The following TGM5 variants were observed in gnomAD, a reference collection of about 807,000 sequenced individuals.
TGM5 encodes protein-glutamine gamma-glutamyltransferase 5.
In TGM5, 69 loss-of-function variants were observed where a neutral mutation model predicts 77.2. The ratio of observed to expected loss-of-function variants is 0.89; its 90% CI spans 0.74 to 1.09. The LOEUF (loss-of-function observed/expected upper bound fraction) is 1.09. TGM5 is among the 50% of genes least tolerant of loss of function. TGM5 has a pLI of 0.00. For synonymous variants in TGM5, 346 were observed against 351.8 expected, an observed-to-expected ratio of 0.98 and a Z score of 0.18; for missense variants, 842 against 896.5, an observed-to-expected ratio of 0.94 and a Z score of 0.78.
Position 43,235,597 on chromosome 15 carries a change from G to A in TGM5, c.1586C>T (p.Ala529Val). The part of the protein sequence containing the change: ...MGQDICFVLL[A>V]LNMSSQFKDL... ...CTTGAACTGGGAGGACATGTTGAGG[G>A]CCAGCAGGACAAAGCATATATCCTG... The change falls in exon 10 of 13, where the codon GCC (alanine) becomes GTC (valine). Residue 529 changes from alanine (A) to valine (V), a missense_variant. Transcript: ENST00000220420. The A allele has an allele frequency of 2.5e-6, 4 of 1,614,234 alleles. No individual in the cohort carries two copies. Among genetic ancestry groups the A allele is most frequent in the Non-Finnish European group, 3.4e-6 (4 of 1,180,044 alleles).
intron 6 of TGM5, 115 bp downstream of exon 6, chr15:43,252,644 C>A: frequency 7.4e-7 from 1 of 1,356,186 alleles, no homozygotes; most frequent in Non-Finnish European, 1.0e-6. Context: ...AAAGGGCTTC[C>A]TTCCAAATGT....
chr15:43,261,113 A>G (rs1596452415), intron 1 of TGM5, among the ~76,000 whole-genome samples: 1 of 50,382 alleles, frequency 2.0e-5, no homozygotes, highest in African/African-American at 1.6e-4. Flanking sequence ...TTTTTGAGAC[A>G]GAGTCTCACA....
chr15:43,256,506 C>T (rs2042742941), intron 4 of TGM5, 62 bp downstream of exon 4: 10 of 1,276,200 alleles, frequency 7.8e-6, no homozygotes, highest in Non-Finnish European at 1.0e-5. Context: ...CTCACATGTG[C>T]CCTGCTCCCT....
At chr15:43,257,022 T>G (rs1231595190) in intron 3 of TGM5, among the ~76,000 whole-genome samples, 1 of 152,194 alleles carries the variant, frequency 6.6e-6, no homozygotes, top group African/African-American at 2.4e-5. Flanking sequence ...AGCTGGAAAT[T>G]GAACACAGCC....
In TGM5 at chr15:43,256,920, A is replaced by G. The variant is rs112636404; in HGVS notation, c.437-234T>C. Among the ~76,000 whole-genome samples, 2,633 of 152,264 alleles carry G rather than the reference A, an allele frequency of 0.017. 61 individuals carry two copies. The highest frequency in any genetic ancestry group is 0.06 in the African/African-American group (2,497 of 41,556). On this transcript the variant is annotated intron_variant, in intron 3 of 12. Coordinates refer to ENST00000220420, the MANE Select transcript of TGM5 (RefSeq NM_201631.4). The stretch of plus-strand genomic sequence containing the variant: ...TCCCTTTGGTGGAATTTCTTGGTTT[A>G]CAAAGCACATTTACATCCTATCCCC...
intron 6 of TGM5, among the ~76,000 whole-genome samples, chr15:43,249,407 C>T (rs925214764): frequency 1.3e-5 from 2 of 152,218 alleles, no homozygotes; most frequent in African/African-American, 4.8e-5. Context: ...AACCTCATTA[C>T]ATTAGCAGTC....
chr15:43,260,319 G>A (rs1010381054), intron 2 of TGM5, 22 bp from the exon 3 acceptor site: 2 of 1,614,122 alleles, frequency 1.2e-6, no homozygotes, highest in Non-Finnish European at 1.7e-6. Context: ...GTAGAGCTGA[G>A]GCCCTCCATG....
At chr15:43,240,247 A>G (rs1297330883) in intron 7 of TGM5, among the ~76,000 whole-genome samples, 1 of 152,208 alleles carries the variant, frequency 6.6e-6, no homozygotes. Flanking sequence ...TTGGGAAGGA[A>G]GGAACTCATG....
chr15:43,258,250 CAA>C (rs1167915202), intron 3 of TGM5, among the ~76,000 whole-genome samples: 4 of 131,960 alleles, frequency 3.0e-5, no homozygotes, highest in African/African-American at 5.5e-5. Flanking sequence ...GAAACCATTA[CAA>C]AAAAAAAAAA....
intron 6 of TGM5, 158 bp from the exon 7 acceptor site, chr15:43,241,148 C>T (rs538692715): frequency 7.2e-6 from 7 of 969,774 alleles, no homozygotes; most frequent in Admixed American, 2.0e-5. Flanking sequence ...TTTCCAACTT[C>T]CTTCCCCACT....
intron 6 of TGM5, among the ~76,000 whole-genome samples, chr15:43,245,287 CA>C (rs2042662830): frequency 6.6e-6 from 1 of 152,062 alleles, no homozygotes; most frequent in Admixed American, 6.6e-5. Context: ...CTCTTAGAGT[CA>C]AAGTAATTGA....
intron 11 of TGM5, among the ~76,000 whole-genome samples, chr15:43,234,315 C>T (rs775379068): frequency 7.2e-5 from 11 of 152,148 alleles, no homozygotes; most frequent in Non-Finnish European, 1.5e-4. Context: ...TCAGAGCAGG[C>T]GGGGTCCTCA....
chr15:43,252,759 C>G lies in TGM5; in HGVS notation c.862G>C (p.Val288Leu). Residue 288 changes from valine (V) to leucine (L), a missense_variant and splice_region_variant, in exon 6 of 13, where the codon GTG becomes CTG. Val to Leu is a conservative substitution (Grantham distance 32). Transcript: ENST00000220420. ...CWVFAAVMCTVMRCLGIPTRV... is the reference protein window; with the variant it reads ...CWVFAAVMCTLMRCLGIPTRV... ...TTGTGGGGTCCTTTCTACCTCCTACCTGTGCACATGACGGCAGCAAAGACC... is the reference window on the plus strand; with the variant it reads ...TTGTGGGGTCCTTTCTACCTCCTACGTGTGCACATGACGGCAGCAAAGACC... The G allele has an allele frequency of 4.3e-6, 7 of 1,613,814 alleles. No individual in the cohort carries two copies. Among genetic ancestry groups the G allele is most frequent in the Non-Finnish European group, 5.9e-6 (7 of 1,180,038 alleles).
chr15:43,254,046 A>G (rs2042726325), intron 4 of TGM5, among the ~76,000 whole-genome samples: 1 of 152,198 alleles, frequency 6.6e-6, no homozygotes, highest in African/African-American at 2.4e-5. Context: ...ATTGGCAGCT[A>G]CTGCTGAAGT....
rs547060376 is a variant in TGM5 at position 43,241,007 on chromosome 15, A to G, written c.863-17T>C. 1.3e-4 allele frequency: 205 copies of G among 1,614,168 alleles called. 1 individual carries two copies. The South Asian group carries it at 2.1e-3, about 17-fold the overall frequency. The stretch of plus-strand genomic sequence containing the variant: ...ACCTCATCACTGCAAAAAGGGCACA[A>G]AAAAATCACCTGTGAGCTGTAGATT... On this transcript the variant is annotated splice_polypyrimidine_tract_variant and intron_variant, in intron 6 of 12. Coordinates refer to ENST00000220420, the MANE Select transcript of TGM5 (RefSeq NM_201631.4).
Position 43,233,657 on chromosome 15 carries a change from G to A in TGM5, c.1906C>T (p.Leu636Phe). 1 of 1,614,200 alleles carries A rather than the reference G, an allele frequency of 6.2e-7. No individual in the cohort carries two copies. Reference sequence around the variant, plus strand: ...TTTGAAAATATCACCTGTATGGAGAGTGGCTGGTTCACAACGGCTGCTCCT... The same window carrying A: ...TTTGAAAATATCACCTGTATGGAGAATGGCTGGTTCACAACGGCTGCTCCT... Reference protein sequence around the residue: ...VLGAAVVNQPLSIQVIFSNPL... With the variant: ...VLGAAVVNQPFSIQVIFSNPL... Residue 636 changes from leucine (L) to phenylalanine (F), a missense_variant, in exon 12 of 13, where the codon CTC (leucine) becomes TTC (phenylalanine). Leu to Phe is a conservative substitution (Grantham distance 22). Coordinates refer to ENST00000220420, the MANE Select transcript of TGM5 (RefSeq NM_201631.4).
chr15:43,248,031 G>T (rs568217324), intron 6 of TGM5, among the ~76,000 whole-genome samples: 1 of 152,170 alleles, frequency 6.6e-6, no homozygotes, highest in South Asian at 2.1e-4. Flanking sequence ...TTTACAAAGA[G>T]GGGCCTGAGC....
At chr15:43,239,534 A>C in intron 7 of TGM5, 1 of 501,234 alleles carries the variant, frequency 2.0e-6, no homozygotes, top group Non-Finnish European at 3.6e-6. Context: ...AAAAAAATTA[A>C]CTAGGCATCA....
Position 43,260,267 on chromosome 15 carries a change from C to T in TGM5, c.221G>A (p.Arg74Gln), listed in dbSNP as rs766923465. ...ATGGCGTGCCAGGCTGAACACAGCC[C>T]GAGTCCCCAAGGCCAGGTCTGGCAG... is the stretch of plus-strand genomic sequence containing the variant. ...GPLPDLALGT[R>Q]AVFSLARHHS... Residue 74 changes from arginine to glutamine, a missense_variant, in exon 3 of 13, where the codon CGG (arginine) becomes CAG (glutamine). By Grantham distance (43) the Arg-to-Gln change is conservative. Around this residue, in one of 2 missense-constraint regions of TGM5, gnomAD observed 815 missense variants for 844.6 expected, o/e 0.96. Coordinates refer to ENST00000220420, the MANE Select transcript of TGM5 (RefSeq NM_201631.4). 12 of 1,613,842 alleles carry T rather than the reference C, an allele frequency of 7.4e-6. No individual in the cohort carries two copies. Among genetic ancestry groups the T allele is most frequent in the African/African-American group, 2.7e-5 (2 of 74,908 alleles).
Sources: allele counts gnomAD v4.1 joint callset (sites outside exome capture counted in the v4.1 genomes callset), GRCh38; gene constraint gnomAD v4.1.1; regional missense constraint gnomAD v4.1.1; transcripts MANE v1.5; gene names NCBI Gene and HGNC (gene_info 2026-07-23, HGNC 2026-07-21).